Variants in ACTL6B observed in about 807,000 individuals in gnomAD.
The protein encoded by ACTL6B is actin like 6B.
In ACTL6B, 48 loss-of-function variants were observed where a neutral mutation model predicts 63.3. The ratio of observed to expected loss-of-function variants is 0.76; its 90% CI spans 0.60 to 0.96. The LOEUF (loss-of-function observed/expected upper bound fraction) is 0.96. Among genes scored for constraint, ACTL6B ranks in the 50% least tolerant of loss-of-function variants. The pLI, the probability that ACTL6B is intolerant of heterozygous loss-of-function variation, is 0.00. For missense variants in ACTL6B, 350 were observed against 572.2 expected, an observed-to-expected ratio of 0.61 and a Z score of 3.96; for synonymous variants, 230 against 223.8, an observed-to-expected ratio of 1.03 and a Z score of -0.25.
At chr7:100,649,812 A>G (rs1462353224) in intron 5 of ACTL6B, 5 of 498,356 alleles carry the variant, frequency 1.0e-5, no homozygotes, top group Non-Finnish European at 1.8e-5. Context: ...CTGTCTGCTC[A>G]GCCTGATCCG....
chr7:100,648,343 A>G lies in ACTL6B; in HGVS notation c.669+213T>C. On this transcript the variant is annotated intron_variant, in intron 7 of 13. Coordinates refer to ENST00000160382, the MANE Select transcript of ACTL6B (RefSeq NM_016188.5). The surrounding 1 kb of genome is among the most constrained non-coding windows in gnomAD (Gnocchi z 4.4). ...GAACCCACCACACTGGCCCTCACAC[A>G]TCCTGCTGTCTGCCAGCTGGTTTCA... is the stretch of plus-strand genomic sequence containing the variant. 2.0e-6 allele frequency: 1 copy of G among 510,158 alleles called. No homozygotes were observed. Among genetic ancestry groups the G allele is most frequent in the Non-Finnish European group, 3.5e-6 (1 of 286,402 alleles). The allele number at this position is 510,158 out of a possible 1,614,324, so 31.6% of individuals were successfully genotyped here.
At chr7:100,656,209 A>G in intron 1 of ACTL6B, 121 bp downstream of exon 1, 1 of 1,201,372 alleles carries the variant, frequency 8.3e-7, no homozygotes. Context: ...GGGAGACCCG[A>G]GCCTGAGACT....
intron 4 of ACTL6B, 79 bp from the exon 5 acceptor site, chr7:100,650,214 C>T: frequency 1.7e-6 from 2 of 1,171,594 alleles, no homozygotes; most frequent in Non-Finnish European, 2.5e-6. Flanking sequence ...AACCCACTCA[C>T]TCACACATAC....
Position 100,648,717 on chromosome 7 carries a change from C to G in ACTL6B, c.562+12G>C. On this transcript the variant is annotated intron_variant, in intron 6 of 13. Transcript: ENST00000160382. This position sits in a 1 kb window ranked among gnomAD's most constrained non-coding sequence, Gnocchi z 4.4. ...CCTCCTGGAGCACCCCCACCCCCTG[C>G]CGAAGCCCCACCTTGCTGCAGAACG... 1 of 1,613,970 alleles carries G rather than the reference C, an allele frequency of 6.2e-7. No individual in the cohort carries two copies. The highest frequency in any genetic ancestry group is 8.5e-7 in the Non-Finnish European group (1 of 1,179,958).
rs1304756557 is a variant in ACTL6B at position 100,643,267 on chromosome 7, G to A, written c.1260C>T (p.Cys420=). ...GCCATCAGGGGCACTTTCGCTCCAC[G>A]CACTGCTTCCCGCCCTCCTCATATT... ...KQEYEEGGKQ[C]VERKCP The change falls in exon 14 of 14, where the codon TGC becomes TGT. Residue 420 remains cysteine (C), a synonymous_variant. Transcript: ENST00000160382. 6.8e-6 allele frequency: 11 copies of A among 1,613,964 alleles called. No homozygotes were observed. The highest frequency in any genetic ancestry group is 1.6e-4 in the Middle Eastern group (1 of 6,076).
chr7:100,655,756 A>G lies in ACTL6B; in HGVS notation c.102+47T>C. 6.5e-7 allele frequency: 1 copy of G among 1,542,294 alleles called. No individual in the cohort carries two copies. Among genetic ancestry groups the G allele is most frequent in the Non-Finnish European group, 8.8e-7 (1 of 1,141,984 alleles). On this transcript the variant is annotated intron_variant, in intron 2 of 13. Transcript: ENST00000160382. This position sits in a 1 kb window ranked among gnomAD's most constrained non-coding sequence, Gnocchi z 4.4. Reference sequence around the variant, plus strand: ...CCCTGGGTCACTGGAAAGCCTGAAGAAGGGTCCGAAGCCCCTAGGATTTGG... The same window carrying G: ...CCCTGGGTCACTGGAAAGCCTGAAGGAGGGTCCGAAGCCCCTAGGATTTGG...
intron 13 of ACTL6B, 34 bp from the exon 14 acceptor site, chr7:100,643,360 G>A: frequency 6.2e-7 from 1 of 1,609,270 alleles, no homozygotes; most frequent in Non-Finnish European, 8.5e-7. Flanking sequence ...GGTCAGGGTG[G>A]CCTTGGAGGG....
Position 100,650,037 on chromosome 7 carries a change from C to G in ACTL6B, c.467+1G>C, listed in dbSNP as rs1010036956. ...TCAGAGCAGCTCAGTCCAGAGGATA[C>G]GCGGTGAGCACAGCCGTCTTGCATA... On this transcript the variant is annotated splice_donor_variant, in intron 5 of 13. Coordinates refer to ENST00000160382, the MANE Select transcript of ACTL6B (RefSeq NM_016188.5). LOFTEE classifies it high-confidence loss of function. 6.2e-7 allele frequency: 1 copy of G among 1,613,076 alleles called. No homozygotes were observed. The highest frequency in any genetic ancestry group is 1.3e-5 in the African/African-American group (1 of 75,028).
At chr7:100,650,282 TCACACATA>T (rs1803914520) in intron 4 of ACTL6B, 147 bp from the exon 5 acceptor site, 1 of 655,044 alleles carries the variant, frequency 1.5e-6, no homozygotes, top group African/African-American at 1.8e-5. Flanking sequence ...ACCTAAACAC[TCACACATA>T]CACTCACGGT....
chr7:100,654,639 A>G (rs573041068), intron 4 of ACTL6B, among the ~76,000 whole-genome samples: 24 of 151,716 alleles, frequency 1.6e-4, no homozygotes, highest in South Asian at 1.3e-3. Flanking sequence ...AAAATTAGCC[A>G]GGCGTGGTGG....
rs1024920830 is a variant in ACTL6B at position 100,644,047 on chromosome 7, G to A, written c.1201-721C>T. Among the ~76,000 whole-genome samples, 8 of 152,056 alleles carry A rather than the reference G, an allele frequency of 5.3e-5. No individual in the cohort carries two copies. In the South Asian group the frequency reaches 6.2e-4, roughly 12 times the overall value. ...GCTGGGTAGCTGGGATTACAGGCGCGTGCCAACACGCCCGGCTAATTTTTG... is the reference window on the plus strand; with the variant it reads ...GCTGGGTAGCTGGGATTACAGGCGCATGCCAACACGCCCGGCTAATTTTTG... On this transcript the variant is annotated intron_variant, in intron 13 of 13. Transcript: ENST00000160382.
Position 100,648,358 on chromosome 7 carries a change from A to G in ACTL6B, c.669+198T>C, listed in dbSNP as rs1803866490. 1.9e-6 allele frequency: 1 copy of G among 530,708 alleles called. No homozygotes were observed. The highest frequency in any genetic ancestry group is 1.9e-5 in the African/African-American group (1 of 52,140). 32.9% of individuals were successfully genotyped at this position (530,708 alleles called of 1,614,324 possible). On this transcript the variant is annotated intron_variant, in intron 7 of 13. Transcript: ENST00000160382. The surrounding 1 kb of genome is among the most constrained non-coding windows in gnomAD (Gnocchi z 4.4). Reference sequence around the variant, plus strand: ...GCCCTCACACATCCTGCTGTCTGCCAGCTGGTTTCATGACCTCAGCATATC... The same window carrying G: ...GCCCTCACACATCCTGCTGTCTGCCGGCTGGTTTCATGACCTCAGCATATC...
chr7:100,649,186 A>G (rs751375470), intron 5 of ACTL6B, among the ~76,000 whole-genome samples: 2 of 146,874 alleles, frequency 1.4e-5, no homozygotes, highest in African/African-American at 2.5e-5. Flanking sequence ...TAGAGATGGG[A>G]TTTCACCGTG....
In ACTL6B at chr7:100,646,572, C is replaced by T. The variant is rs1328517379; in HGVS notation, c.1092G>A (p.Glu364=). 2.5e-6 allele frequency: 4 copies of T among 1,614,054 alleles called. No individual in the cohort carries two copies. Among genetic ancestry groups the T allele is most frequent in the East Asian group, 2.2e-5 (1 of 44,874 alleles). Residue 364 remains glutamate (E), a synonymous_variant, in exon 12 of 14, where the codon GAG becomes GAA. Transcript: ENST00000160382. This position sits in a 1 kb window ranked among gnomAD's most constrained non-coding sequence, Gnocchi z 6.1. ...LQGFTDRLNR[E]LSQKTPPSMR... ...CTACCGGTGGGGTCTTCTGGGAAAG[C>T]TCTCGATTGAGCCTGTCAGTGAAGC... is the stretch of plus-strand genomic sequence containing the variant.
chr7:100,653,436 G>T (rs1182798512), intron 4 of ACTL6B, among the ~76,000 whole-genome samples: 1 of 152,112 alleles, frequency 6.6e-6, no homozygotes, highest in Non-Finnish European at 1.5e-5. Context: ...GATTGCTTGA[G>T]CCCAGGAATT....
At chr7:100,654,873 A>C in intron 4 of ACTL6B, 146 bp downstream of exon 4, 2 of 663,096 alleles carry the variant, frequency 3.0e-6, no homozygotes. Context: ...GAAGGAAGGA[A>C]ATTGTTTGGG....
intron 4 of ACTL6B, among the ~76,000 whole-genome samples, chr7:100,653,387 C>T (rs999370587): frequency 2.6e-5 from 4 of 151,852 alleles, no homozygotes; most frequent in East Asian, 3.9e-4. Flanking sequence ...TGGTGGATCT[C>T]GCCTGTAATC....
At position 100,646,447 on chromosome 7, in the gene ACTL6B, T is replaced by C; in HGVS notation, c.1113+104A>G. 1 of 1,538,850 alleles carries C rather than the reference T, an allele frequency of 6.5e-7. No homozygotes were observed. The highest frequency in any genetic ancestry group is 9.0e-7 in the Non-Finnish European group (1 of 1,115,166). ...CACAGGGGCAGGGGTTCTGCTCTGG[T>C]GGCCAGAACAGAAGGAAGGACATGG... On this transcript the variant is annotated intron_variant, in intron 12 of 13. Coordinates refer to ENST00000160382, the MANE Select transcript of ACTL6B (RefSeq NM_016188.5). The surrounding 1 kb of genome is among the most constrained non-coding windows in gnomAD (Gnocchi z 6.1).
chr7:100,651,002 C>T (rs879581613), intron 4 of ACTL6B, among the ~76,000 whole-genome samples: 4 of 152,072 alleles, frequency 2.6e-5, no homozygotes, highest in African/African-American at 4.8e-5. Flanking sequence ...TGAAAATACA[C>T]CACACTGAGG....
Sources: allele counts gnomAD v4.1 joint callset (sites outside exome capture counted in the v4.1 genomes callset), GRCh38; gene constraint gnomAD v4.1.1; non-coding constraint Gnocchi (gnomAD v3.1); transcripts MANE v1.5; gene names NCBI Gene and HGNC (gene_info 2026-07-23, HGNC 2026-07-21).